Variants in POF1B observed in about 807,000 individuals in gnomAD.
The protein encoded by POF1B is protein POF1B.
A neutral mutation model predicts 55.3 loss-of-function variants in POF1B; 53 were observed. The observed-to-expected ratio is 0.96, with a 90% CI of 0.77 to 1.20. The LOEUF (loss-of-function observed/expected upper bound fraction) is 1.20, where lower values mean the gene tolerates loss of function less well. Among genes scored for constraint, POF1B ranks in the 50% most tolerant of loss-of-function variants. POF1B has a pLI of 0.00. For missense variants in POF1B, 478 were observed against 420.5 expected, an observed-to-expected ratio of 1.14 and a Z score of -1.20; for synonymous variants, 188 against 148.3, an observed-to-expected ratio of 1.27 and a Z score of -1.95.
intron 2 of POF1B, among the ~76,000 whole-genome samples, chrX:85,373,810 T>C (rs146515626): frequency 0.01 from 1,161 of 111,143 alleles, 16 homozygotes; most frequent in African/African-American, 0.036. Flanking sequence ...CTTGAAAAAT[T>C]TGTATAATTT....
chrX:85,312,979 C>A (rs899963812), intron 9 of POF1B, among the ~76,000 whole-genome samples: 1 of 111,505 alleles, frequency 9.0e-6, no homozygotes, highest in Non-Finnish European at 1.9e-5. Context: ...CTCTGTTTGT[C>A]TATTATTGAT....
intron 6 of POF1B, among the ~76,000 whole-genome samples, chrX:85,336,828 C>T (rs1191516885): frequency 1.8e-5 from 2 of 111,162 alleles, no homozygotes; most frequent in African/African-American, 3.3e-5. Flanking sequence ...ATTTTTGCTT[C>T]GGTTGTTTGT....
At chrX:85,359,482 G>T in intron 4 of POF1B, 68 bp downstream of exon 4, 1 of 791,521 alleles carries the variant, frequency 1.3e-6, no homozygotes. Context: ...TCTGGTAACT[G>T]ATTAAGCCTT....
At chrX:85,286,794 A>T (rs1301185056) in intron 15 of POF1B, among the ~76,000 whole-genome samples, 1 of 111,426 alleles carries the variant, frequency 9.0e-6, no homozygotes, top group South Asian at 3.7e-4. Context: ...ACAATCCTAA[A>T]TGTTTATGTA....
intron 16 of POF1B, among the ~76,000 whole-genome samples, chrX:85,280,511 T>C (rs374820961): frequency 9.0e-6 from 1 of 111,143 alleles, no homozygotes; most frequent in East Asian, 2.9e-4. Context: ...AAACAGAACA[T>C]TATTAAGACC....
intron 3 of POF1B, among the ~76,000 whole-genome samples, chrX:85,364,975 TCTGA>T (rs1339591202): frequency 2.7e-5 from 3 of 111,884 alleles, no homozygotes; most frequent in Non-Finnish European, 5.6e-5. Flanking sequence ...TTTATTTTTG[TCTGA>T]CTGTCTTATT....
chrX:85,343,990 C>A (rs918935121), intron 6 of POF1B, among the ~76,000 whole-genome samples: 1 of 111,097 alleles, frequency 9.0e-6, no homozygotes, highest in African/African-American at 3.3e-5. Flanking sequence ...GCAATAAGGA[C>A]AACAATAGCA....
chrX:85,279,477 A>C (rs1353425222), intron 16 of POF1B, 51 bp from the exon 17 acceptor site: 2 of 1,060,779 alleles, frequency 1.9e-6, no homozygotes, highest in African/African-American at 6.3e-5. Flanking sequence ...AATTAAAGTC[A>C]TTGTTACTAT....
chrX:85,372,490 C>A (rs1199953815), intron 2 of POF1B, among the ~76,000 whole-genome samples: 2 of 108,334 alleles, frequency 1.8e-5, no homozygotes, highest in Admixed American at 2.0e-4. Context: ...CTAGAGAATT[C>A]ATTATTCATA....
At chrX:85,283,693 A>G (rs941790479) in intron 15 of POF1B, among the ~76,000 whole-genome samples, 3 of 110,414 alleles carry the variant, frequency 2.7e-5, no homozygotes, top group Admixed American at 9.7e-5. Flanking sequence ...ACACGTATCC[A>G]AGAAGCTCAG....
intron 15 of POF1B, among the ~76,000 whole-genome samples, chrX:85,290,421 G>T (rs1932157080): frequency 9.0e-6 from 1 of 111,405 alleles, no homozygotes; most frequent in South Asian, 3.8e-4. Flanking sequence ...TGAACATGCA[G>T]GTGCATGTGT....
intron 16 of POF1B, 84 bp downstream of exon 16, chrX:85,282,119 T>C (rs1307292191): frequency 5.2e-5 from 51 of 985,457 alleles, no homozygotes; most frequent in Non-Finnish European, 6.5e-5. Context: ...TCAAAGTTTT[T>C]AGTTCATTTG....
chrX:85,372,771 T>A lies in POF1B; in HGVS notation c.283-5005A>T, dbSNP rs1933852396. 2.9e-5 allele frequency among the ~76,000 whole-genome samples: 3 copies of A among 102,409 alleles called. No homozygotes were observed. The Admixed American group carries it at 3.3e-4, about 11-fold the overall frequency. The allele number at this position is 102,409 out of a possible 115,157, so 88.9% of individuals were successfully genotyped here. A position where few individuals can be genotyped will look rare whatever the true frequency, so the allele number is the denominator to read the frequency against. ...ATATTTATATATATTATATTATATA[T>A]ACTATATATATATATACTTTAAGTT... On this transcript the variant is annotated intron_variant, in intron 2 of 16. Transcript: ENST00000262753.
intron 15 of POF1B, among the ~76,000 whole-genome samples, chrX:85,283,687 G>A (rs1445194181): frequency 9.1e-6 from 1 of 109,413 alleles, no homozygotes; most frequent in East Asian, 2.9e-4. Context: ...ATAAACACAC[G>A]TATCCAAGAA....
chrX:85,345,853 A>T lies in POF1B; in HGVS notation c.723+7T>A. 8.4e-7 allele frequency: 1 copy of T among 1,191,054 alleles called. No homozygotes were observed. Among genetic ancestry groups the T allele is most frequent in the Non-Finnish European group, 1.1e-6 (1 of 883,540 alleles). On this transcript the variant is annotated splice_region_variant and intron_variant, in intron 6 of 16. Transcript: ENST00000262753. ...AGTTTGTTAAGGAATCAGCTGATTG[A>T]TCTTACCTGCTCACAAATCTGGCTT...
intron 4 of POF1B, among the ~76,000 whole-genome samples, chrX:85,356,469 A>T (rs933165729): frequency 9.0e-6 from 1 of 110,703 alleles, no homozygotes; most frequent in African/African-American, 3.3e-5. Flanking sequence ...AAAAAGAAAA[A>T]AAAAGAAAAA....
Position 85,351,379 on chromosome X carries a change from T to G in POF1B, c.511A>C (p.Arg171=), listed in dbSNP as rs750153232. The G allele has an allele frequency of 9.2e-6, 11 of 1,193,330 alleles. No individual in the cohort carries two copies. Among genetic ancestry groups the G allele is most frequent in the Non-Finnish European group, 1.1e-5 (10 of 883,758 alleles). ...TCAGTATTTAGCTTCTCCACTTTTC[T>G]TATTGTTTTTTCATAAATAACATTG... ...GNNVIYEKTI[R]KVEKLNTDQG... Residue 171 remains arginine (R), a synonymous_variant, in exon 5 of 17, where the codon AGA becomes CGA. Transcript: ENST00000262753.
At chrX:85,369,112 C>G (rs1036756769) in intron 2 of POF1B, among the ~76,000 whole-genome samples, 7 of 111,870 alleles carry the variant, frequency 6.3e-5, no homozygotes, top group South Asian at 7.4e-4. Context: ...TCATCCTCCA[C>G]CACCCTTTAT....
At chrX:85,310,639 G>C (rs1029132329) in intron 9 of POF1B, among the ~76,000 whole-genome samples, 3 of 112,122 alleles carry the variant, frequency 2.7e-5, no homozygotes, top group Non-Finnish European at 5.6e-5. Flanking sequence ...CAGAGTCCTG[G>C]AAGGAAAGGA....
Sources: allele counts gnomAD v4.1 joint callset (sites outside exome capture counted in the v4.1 genomes callset), GRCh38; gene constraint gnomAD v4.1.1; transcripts MANE v1.5; gene names NCBI Gene and HGNC (gene_info 2026-07-23, HGNC 2026-07-21).